The following CHCT1 variants were observed in gnomAD, a reference collection of about 807,000 sequenced individuals.
CHCT1 encodes the protein CHD1 helical C-terminal domain containing protein 1.
the CHCT1 span, chr17:60,422,024 C>A: frequency 1.1e-6 from 1 of 880,622 alleles, no homozygotes; most frequent in Non-Finnish European, 1.4e-6. Flanking sequence ...ACCCAGCACC[C>A]AGCACCCAGC....
chr17:60,425,746 C>T, the CHCT1 span: 7 of 1,478,420 alleles, frequency 4.7e-6, no homozygotes, highest in South Asian at 4.8e-5. Flanking sequence ...GAGTAACGGT[C>T]CAATCCCCCG....
the CHCT1 span, chr17:60,421,284 C>G: frequency 1.2e-6 from 1 of 833,796 alleles, no homozygotes; most frequent in Admixed American, 6.2e-5. Flanking sequence ...AAGACGTTTG[C>G]TGAACATGCT....
the CHCT1 span, chr17:60,431,180 G>T: frequency 6.3e-7 from 1 of 1,589,770 alleles, no homozygotes; most frequent in South Asian, 1.1e-5. Context: ...CTCTTTTTCA[G>T]ATTCTTTAAG....
chr17:60,421,772 T>C, the CHCT1 span: 1 of 903,978 alleles, frequency 1.1e-6, no homozygotes, highest in Non-Finnish European at 1.3e-6. Flanking sequence ...CGGCCTCGGG[T>C]CCCTGGAGGG....
the CHCT1 span, among the ~76,000 whole-genome samples, chr17:60,428,407 A>C: frequency 1.3e-5 from 2 of 151,880 alleles, no homozygotes; most frequent in African/African-American, 2.4e-5. Context: ...ACGATTGGAG[A>C]ACTTCAATGA....
At chr17:60,426,225 C>T in the CHCT1 span, 1 of 1,551,724 alleles carries the variant, frequency 6.4e-7, no homozygotes, top group Non-Finnish European at 8.7e-7. Context: ...AGGGACCTTC[C>T]CCAGAAGAAG....
the CHCT1 span, among the ~76,000 whole-genome samples, chr17:60,425,302 T>C: frequency 6.6e-6 from 1 of 152,122 alleles, no homozygotes; most frequent in Admixed American, 6.5e-5. Flanking sequence ...CCACCTTGGC[T>C]TCCTGGGTAG....
At chr17:60,426,865 G>A in the CHCT1 span, 1 of 1,552,416 alleles carries the variant, frequency 6.4e-7, no homozygotes, top group Non-Finnish European at 8.7e-7. Flanking sequence ...GTTGGTTGAT[G>A]TGTCCTTAGA....
At chr17:60,426,160 G>T in the CHCT1 span, 2 of 1,551,464 alleles carry the variant, frequency 1.3e-6, no homozygotes, top group Non-Finnish European at 1.7e-6. Flanking sequence ...TGCCTCCTCA[G>T]TGTAAAGAAT....
At chr17:60,426,205 G>A in the CHCT1 span, 20 of 1,551,690 alleles carry the variant, frequency 1.3e-5, no homozygotes, top group Non-Finnish European at 1.5e-5. Context: ...TGCGAAAGTT[G>A]CACCTGCCCA....
chr17:60,429,659 C>A, the CHCT1 span: 1 of 1,180,712 alleles, frequency 8.5e-7, no homozygotes, highest in Non-Finnish European at 1.2e-6. Flanking sequence ...GAGCCTCTGC[C>A]CCCAGCCTGA....
At chr17:60,430,296 GT>G in the CHCT1 span, among the ~76,000 whole-genome samples, 1 of 151,838 alleles carries the variant, frequency 6.6e-6, no homozygotes, top group African/African-American at 2.4e-5. Flanking sequence ...AATGAAACAT[GT>G]TTTTGGCTAG....
chr17:60,429,514 C>T, the CHCT1 span: 2 of 1,614,150 alleles, frequency 1.2e-6, no homozygotes, highest in South Asian at 1.1e-5. Context: ...GTCAAGGGAG[C>T]CCCCTGCCTG....
At chr17:60,428,974 C>G in the CHCT1 span, among the ~76,000 whole-genome samples, 3 of 151,238 alleles carry the variant, frequency 2.0e-5, no homozygotes, top group Non-Finnish European at 4.4e-5. Context: ...GTGATCTCGG[C>G]TCACTGCAAC....
chr17:60,429,698 C>A, the CHCT1 span: 1 of 699,690 alleles, frequency 1.4e-6, no homozygotes, highest in Non-Finnish European at 2.2e-6. Context: ...TTTCCATCTT[C>A]TCTTCATCCC....
chr17:60,431,117 T>C, the CHCT1 span: 2 of 1,199,242 alleles, frequency 1.7e-6, no homozygotes, highest in South Asian at 2.7e-5. Flanking sequence ...CCCCATGTAT[T>C]ACAGACTGAG....
chr17:60,426,317 G>T, the CHCT1 span: 1 of 1,551,358 alleles, frequency 6.4e-7, no homozygotes, highest in East Asian at 2.4e-5. Context: ...CCAAGCCTGG[G>T]AAATCAAACA....
the CHCT1 span, chr17:60,421,683 C>G: frequency 2.3e-6 from 2 of 856,876 alleles, no homozygotes; most frequent in Non-Finnish European, 2.8e-6. Context: ...GCGAGGGTCC[C>G]GGGGCCTCCT....
chr17:60,426,597 C>T, the CHCT1 span: 1 of 1,405,560 alleles, frequency 7.1e-7, no homozygotes, highest in Non-Finnish European at 9.6e-7. Context: ...TTCCCCCAAC[C>T]CCAAACCCCA....
Sources: gnomAD v4.1 joint callset for allele counts (sites outside exome capture counted in the v4.1 genomes callset) on GRCh38, gnomAD v4.1.1 for gene constraint, MANE v1.5 for transcripts, NCBI Gene and HGNC (gene_info 2026-07-23, HGNC 2026-07-21) for gene names.